RALA: variants seen among roughly 807,000 people sequenced by gnomAD.
RALA encodes the protein ras-related protein Ral-A.
Under a neutral mutation model 24.0 loss-of-function variants are expected in RALA, and 5 were observed. That is an observed-to-expected ratio of 0.21 (90% CI 0.11 to 0.44). The LOEUF (loss-of-function observed/expected upper bound fraction) is 0.44. Ranked by LOEUF, RALA falls within the 20% of genes least tolerant of loss-of-function variation. The pLI, the probability that RALA is intolerant of heterozygous loss-of-function variation, is 0.99. For missense variants in RALA, 95 were observed against 241.2 expected (o/e 0.39, Z 4.01); for synonymous variants, 77 against 83.8 (o/e 0.92, Z 0.44).
In RALA at chr7:39,707,779, T is replaced by C. The variant is rs574282716; in HGVS notation, c.*1534T>C. 3.3e-5 allele frequency: 5 copies of C among 152,792 alleles called. No individual in the cohort carries two copies. The highest frequency in any genetic ancestry group is 1.2e-4 in the African/African-American group (5 of 41,588). 9.5% of individuals were successfully genotyped at this position (152,792 alleles called of 1,614,324 possible). ...GGAACTCACTCTTTAGATATTTACA[T>C]CCAGCTTCTCATGTTAAATATTTGT... On this transcript the variant is annotated 3_prime_UTR_variant, in exon 5 of 5. Coordinates refer to ENST00000005257, the MANE Select transcript of RALA (RefSeq NM_005402.4).
intron 1 of RALA, among the ~76,000 whole-genome samples, chr7:39,680,735 A>C (rs184857153): frequency 1.2e-4 from 18 of 152,034 alleles, no homozygotes; most frequent in Non-Finnish European, 2.1e-4. Flanking sequence ...TGGCTTGACA[A>C]TTGTCCAAAC....
chr7:39,704,356 C>G (rs988341216), intron 4 of RALA, among the ~76,000 whole-genome samples: 2 of 151,998 alleles, frequency 1.3e-5, no homozygotes, highest in African/African-American at 4.8e-5. Flanking sequence ...GAGTCTCACT[C>G]TGTTGCCCAG....
chr7:39,687,494 C>G (rs1400013048), intron 2 of RALA, among the ~76,000 whole-genome samples: 1 of 152,038 alleles, frequency 6.6e-6, no homozygotes, highest in Non-Finnish European at 1.5e-5. Context: ...TGGCATGGCA[C>G]TACATTCATC....
intron 1 of RALA, among the ~76,000 whole-genome samples, chr7:39,639,840 G>A (rs1049530208): frequency 3.3e-5 from 5 of 151,926 alleles, no homozygotes; most frequent in Non-Finnish European, 7.4e-5. Context: ...ATGCACACAC[G>A]CACACTCACT....
chr7:39,627,240 A>G (rs1269032395), intron 1 of RALA, among the ~76,000 whole-genome samples: 7 of 152,168 alleles, frequency 4.6e-5, no homozygotes, highest in African/African-American at 1.7e-4. Flanking sequence ...TTAAAGTTCT[A>G]TGGGTTTCTA....
rs372716604 is a variant in RALA, at chr7:39,664,446, C to T, written c.-37-22185C>T. Among the ~76,000 whole-genome samples the T allele has an allele frequency of 2.7e-4, 41 of 152,274 alleles. No homozygotes were observed. In the South Asian group the frequency reaches 7.9e-3, roughly 29 times the overall value. ...TGATATTGGATAATGCCCCTGGCCA[C>T]CCCAAACCCTATGAGGTCGAAACTG... is the stretch of plus-strand genomic sequence containing the variant. On this transcript the variant is annotated intron_variant, in intron 1 of 4. Transcript: ENST00000005257.
chr7:39,685,261 A>G (rs1024234093), intron 1 of RALA, among the ~76,000 whole-genome samples: 1 of 152,258 alleles, frequency 6.6e-6, no homozygotes, highest in Non-Finnish European at 1.5e-5. Context: ...AATATGCCAG[A>G]CAGAGGAAGC....
Position 39,704,816 on chromosome 7 carries a change from C to G in RALA, c.499-1307C>G, listed in dbSNP as rs543337729. ...TCAGCCTTCCCAGTAGCTGGGATTA[C>G]AAGTGCCCGCCACCACACCCAGCTA... is the stretch of plus-strand genomic sequence containing the variant. On this transcript the variant is annotated intron_variant, in intron 4 of 4. Coordinates refer to ENST00000005257, the MANE Select transcript of RALA (RefSeq NM_005402.4). Among the ~76,000 whole-genome samples, 16 of 152,120 alleles carry G rather than the reference C, an allele frequency of 1.1e-4. No individual in the cohort carries two copies. In the East Asian group the frequency reaches 2.9e-3, roughly 28 times the overall value.
chr7:39,665,299 A>AT lies in RALA; in HGVS notation c.-37-21327dup, dbSNP rs1157932242. On this transcript the variant is annotated intron_variant, in intron 1 of 4. Transcript: ENST00000005257. ...CTTTCACTTAATGACTAGTAAGTGT[A>AT]TTTTTCCTTCCTTAAAATTTTCTTA... is the stretch of plus-strand genomic sequence containing the variant. 3.3e-5 allele frequency among the ~76,000 whole-genome samples: 5 copies of AT among 152,192 alleles called. No individual in the cohort carries two copies. In the East Asian group the frequency reaches 9.7e-4, roughly 29 times the overall value.
intron 1 of RALA, among the ~76,000 whole-genome samples, chr7:39,671,737 A>G (rs562164514): frequency 9.9e-5 from 15 of 152,282 alleles, no homozygotes; most frequent in African/African-American, 2.9e-4. Flanking sequence ...CAACTACTGT[A>G]CCCTTAAAAC....
intron 4 of RALA, among the ~76,000 whole-genome samples, chr7:39,703,449 G>A (rs1716965370): frequency 6.6e-6 from 1 of 152,124 alleles, no homozygotes; most frequent in Non-Finnish European, 1.5e-5. Flanking sequence ...GCTCCTTCAT[G>A]TTGGTCCTAT....
intron 1 of RALA, among the ~76,000 whole-genome samples, chr7:39,669,285 C>T (rs1399140220): frequency 6.6e-6 from 1 of 152,034 alleles, no homozygotes; most frequent in Non-Finnish European, 1.5e-5. Context: ...CACCTATGAA[C>T]CTATCCCCCA....
chr7:39,706,033 T>G (rs1793115923), intron 4 of RALA, 90 bp from the exon 5 acceptor site: 9 of 1,172,740 alleles, frequency 7.7e-6, no homozygotes, highest in Non-Finnish European at 1.1e-5. Context: ...TTTATACTTC[T>G]GTTACCCCCA....
chr7:39,647,114 C>T (rs1295508281), intron 1 of RALA, among the ~76,000 whole-genome samples: 2 of 152,160 alleles, frequency 1.3e-5, no homozygotes, highest in African/African-American at 4.8e-5. Context: ...ACAGTCATGG[C>T]TCTTTGCAGC....
In RALA at chr7:39,690,719, T is replaced by A; in HGVS notation, c.323+129T>A. The A allele has an allele frequency of 8.4e-6, 6 of 716,946 alleles. No individual in the cohort carries two copies. In the South Asian group the frequency reaches 1.2e-4, roughly 14 times the overall value. The allele number at this position is 716,946 out of a possible 1,614,324, so 44.4% of individuals were successfully genotyped here. A position where few individuals can be genotyped will look rare whatever the true frequency, so the allele number is the denominator to read the frequency against. The stretch of plus-strand genomic sequence containing the variant: ...TGTCTCTAATTGTGTTTATTCCCTT[T>A]TTGATATCAGTATATGACTCTCTCT... On this transcript the variant is annotated intron_variant, in intron 3 of 4. Coordinates refer to ENST00000005257, the MANE Select transcript of RALA (RefSeq NM_005402.4).
At chr7:39,645,130 T>G (rs907974243) in intron 1 of RALA, among the ~76,000 whole-genome samples, 5 of 152,230 alleles carry the variant, frequency 3.3e-5, no homozygotes, top group African/African-American at 1.2e-4. Context: ...GAGACTATAA[T>G]TGTAACATCA....
At chr7:39,638,736 G>A (rs1791728503) in intron 1 of RALA, among the ~76,000 whole-genome samples, 1 of 152,232 alleles carries the variant, frequency 6.6e-6, no homozygotes, top group Non-Finnish European at 1.5e-5. Context: ...ATGAGCCACT[G>A]TGCCCAGGCC....
intron 3 of RALA, among the ~76,000 whole-genome samples, chr7:39,695,613 G>A (rs906043373): frequency 6.6e-6 from 1 of 151,862 alleles, no homozygotes; most frequent in Non-Finnish European, 1.5e-5. Context: ...TGTGTTGCCT[G>A]GGCTGGTATT....
At chr7:39,688,396 TA>T (rs60727230) in intron 2 of RALA, among the ~76,000 whole-genome samples, 104,486 of 147,842 alleles carry the variant, frequency 0.71, 37,603 homozygotes, top group African/African-American at 0.88. Flanking sequence ...CCCTGTCTCT[TA>T]AAAAAAAAAA....
Sources: allele counts gnomAD v4.1 joint callset (sites outside exome capture counted in the v4.1 genomes callset), GRCh38; gene constraint gnomAD v4.1.1; transcripts MANE v1.5; gene names NCBI Gene and HGNC (gene_info 2026-07-23, HGNC 2026-07-21).